Variants in MCM6 observed in about 807,000 individuals in gnomAD.
The protein encoded by MCM6 is DNA replication licensing factor MCM6.
MCM6 carries 46 observed loss-of-function variants against 94.3 expected under a neutral mutation model. The observed-to-expected ratio is 0.49, with a 90% CI of 0.39 to 0.62. The LOEUF (loss-of-function observed/expected upper bound fraction) is 0.62. Ranked by LOEUF, MCM6 falls within the 20% of genes least tolerant of loss-of-function variation. The probability of loss-of-function intolerance (pLI) is 0.00; values close to 1 mark genes in which losing one functional copy is unlikely to be tolerated. For missense variants in MCM6, 865 were observed against 1,017.9 expected (o/e 0.85, Z 2.04); for synonymous variants, 335 against 351.9 (o/e 0.95, Z 0.54).
chr2:135,863,820 GA>G (rs142653687), intron 7 of MCM6, among the ~76,000 whole-genome samples: 9,414 of 151,858 alleles, frequency 0.062, 564 homozygotes, highest in African/African-American at 0.15. Flanking sequence ...TATTTAGATA[GA>G]AAAAAAGGGC....
At chr2:135,848,878 C>T (rs1376756391) in intron 13 of MCM6, among the ~76,000 whole-genome samples, 1 of 151,930 alleles carries the variant, frequency 6.6e-6, no homozygotes, top group Non-Finnish European at 1.5e-5. Flanking sequence ...GAGTGAGACT[C>T]CATCTCAAAA....
chr2:135,846,109 G>A, intron 15 of MCM6, 128 bp downstream of exon 15: 1 of 875,692 alleles, frequency 1.1e-6, no homozygotes, highest in Non-Finnish European at 1.8e-6. Flanking sequence ...CTTTGCTAAA[G>A]TGAGTTTATC....
intron 4 of MCM6, among the ~76,000 whole-genome samples, chr2:135,867,199 C>G (rs1332470292): frequency 1.3e-5 from 2 of 152,160 alleles, no homozygotes; most frequent in African/African-American, 4.8e-5. Context: ...CAAGAAACTT[C>G]ATACCTAAAT....
chr2:135,876,245 G>T lies in MCM6; in HGVS notation c.107+14C>A. 6.3e-7 allele frequency: 1 copy of T among 1,575,590 alleles called. No homozygotes were observed. ...TCCGGAGGCGGGCGAGGCCCGGGGC[G>T]CTCGCCGACTTACTCCTCCAAGAAG... On this transcript the variant is annotated intron_variant, in intron 1 of 16. Transcript: ENST00000264156.
At position 135,869,414 on chromosome 2, in the gene MCM6, AAC is replaced by A. The variant is rs1187454730; in HGVS notation, c.366-556_366-555del. Among the ~76,000 whole-genome samples, 9 of 151,222 alleles carry A rather than the reference AAC, an allele frequency of 6.0e-5. No individual in the cohort carries two copies. In the South Asian group the frequency reaches 6.3e-4, roughly 11 times the overall value. Reference sequence around the variant, plus strand: ...AGACTCTGTCTCAGAAAAAAAAAAAAACAAAAACAGAATGATCCTGTTTTTGT... The same window carrying A: ...AGACTCTGTCTCAGAAAAAAAAAAAAAAAAACAGAATGATCCTGTTTTTGT... On this transcript the variant is annotated intron_variant, in intron 3 of 16. Transcript: ENST00000264156.
At chr2:135,873,250 GCTAA>G (rs1261938123) in intron 1 of MCM6, among the ~76,000 whole-genome samples, 2 of 152,152 alleles carry the variant, frequency 1.3e-5, no homozygotes, top group Non-Finnish European at 2.9e-5. Context: ...AGGTTTAACT[GCTAA>G]CTAACAAAAA....
In MCM6 at chr2:135,865,752, A is replaced by T. The variant is rs556899246; in HGVS notation, c.927+380T>A. Among the ~76,000 whole-genome samples the T allele has an allele frequency of 5.3e-5, 8 of 152,326 alleles. No homozygotes were observed. In the East Asian group the frequency reaches 1.5e-3, roughly 29 times the overall value. On this transcript the variant is annotated intron_variant, in intron 6 of 16. Coordinates refer to ENST00000264156, the MANE Select transcript of MCM6 (RefSeq NM_005915.6). ...TTTCAAGATCAGAAAGGCATACGTC[A>T]AAAGATTTGGTTTTAAAACTCATCA...
chr2:135,857,840 T>C, intron 10 of MCM6, 57 bp downstream of exon 10: 1 of 1,414,748 alleles, frequency 7.1e-7, no homozygotes, highest in Admixed American at 1.7e-5. Flanking sequence ...TCTCTAGTAC[T>C]ACATTAATCA....
intron 9 of MCM6, among the ~76,000 whole-genome samples, chr2:135,858,989 TCA>T (rs1234347893): frequency 6.6e-6 from 1 of 152,202 alleles, no homozygotes; most frequent in East Asian, 1.9e-4. Flanking sequence ...CCTCCTGGGC[TCA>T]GTGATCCTCC....
chr2:135,875,149 T>C (rs1680272432), intron 1 of MCM6, among the ~76,000 whole-genome samples: 1 of 152,208 alleles, frequency 6.6e-6, no homozygotes, highest in Admixed American at 6.5e-5. Context: ...GGGGATCACC[T>C]GAGGTCGGGA....
rs1679551274 is a variant in MCM6 at position 135,840,655 on chromosome 2, G to T, written c.*180C>A. 1.8e-6 allele frequency: 1 copy of T among 570,452 alleles called. No individual in the cohort carries two copies. Among genetic ancestry groups the T allele is most frequent in the Non-Finnish European group, 3.1e-6 (1 of 318,560 alleles). 35.3% of individuals were successfully genotyped at this position (570,452 alleles called of 1,614,324 possible). A position where few individuals can be genotyped will look rare whatever the true frequency, so the allele number is the denominator to read the frequency against. ...AAAGGAAGTGCTGAAGCCTGTGTTG[G>T]TATGAAACCTGTGATGAATGTGACA... is the stretch of plus-strand genomic sequence containing the variant. On this transcript the variant is annotated 3_prime_UTR_variant, in exon 17 of 17. Transcript: ENST00000264156.
At chr2:135,845,283 T>C (rs1301942638) in intron 15 of MCM6, among the ~76,000 whole-genome samples, 1 of 152,202 alleles carries the variant, frequency 6.6e-6, no homozygotes, top group African/African-American at 2.4e-5. Context: ...CCTCAACACA[T>C]AGGAAATGTT....
intron 14 of MCM6, among the ~76,000 whole-genome samples, chr2:135,846,612 G>A (rs1195323196): frequency 6.6e-6 from 1 of 152,046 alleles, no homozygotes; most frequent in African/African-American, 2.4e-5. Flanking sequence ...CAAGTGCTGG[G>A]ATTACAGGTG....
At chr2:135,862,819 A>C in intron 7 of MCM6, 71 bp from the exon 8 acceptor site, 1 of 1,539,796 alleles carries the variant, frequency 6.5e-7, no homozygotes, top group Non-Finnish European at 8.9e-7. Context: ...CAGAAGAAAC[A>C]GTAAAGGCAT....
intron 8 of MCM6, among the ~76,000 whole-genome samples, chr2:135,861,896 G>A (rs975395396): frequency 5.9e-5 from 9 of 152,172 alleles, no homozygotes; most frequent in Admixed American, 3.3e-4. Flanking sequence ...GATTACAGGC[G>A]TGAGCCATGG....
intron 13 of MCM6, among the ~76,000 whole-genome samples, chr2:135,851,126 T>C (rs947776779): frequency 6.6e-6 from 1 of 152,200 alleles, no homozygotes; most frequent in South Asian, 2.1e-4. Flanking sequence ...TAGTACATTG[T>C]AGGGTCTAAG....
At chr2:135,844,921 T>C (rs3739020) in intron 15 of MCM6, among the ~76,000 whole-genome samples, 148 of 152,142 alleles carry the variant, frequency 9.7e-4, no homozygotes, top group African/African-American at 3.5e-3. Flanking sequence ...CCTAATAAAA[T>C]AGATTATAAG....
At chr2:135,875,308 G>A (rs568793850) in intron 1 of MCM6, among the ~76,000 whole-genome samples, 1 of 151,986 alleles carries the variant, frequency 6.6e-6, no homozygotes, top group Non-Finnish European at 1.5e-5. Flanking sequence ...AGGTTGCGGT[G>A]AGCTGAGATG....
intron 7 of MCM6, among the ~76,000 whole-genome samples, chr2:135,864,203 A>G (rs536780602): frequency 2.0e-5 from 3 of 152,352 alleles, no homozygotes; most frequent in Admixed American, 6.5e-5. Context: ...GAGTTCAAAG[A>G]TAAAGCATCA....
Sources: allele counts gnomAD v4.1 joint callset (sites outside exome capture counted in the v4.1 genomes callset), GRCh38; gene constraint gnomAD v4.1.1; transcripts MANE v1.5; gene names NCBI Gene and HGNC (gene_info 2026-07-23, HGNC 2026-07-21).